Variants in CFI observed in about 807,000 individuals in gnomAD.
CFI encodes C3B/C4B inactivator.
A neutral mutation model predicts 78.8 loss-of-function variants in CFI; 66 were observed. The ratio of observed to expected loss-of-function variants is 0.84; its 90% CI spans 0.69 to 1.03. The LOEUF (loss-of-function observed/expected upper bound fraction) is 1.03, where lower values mean the gene tolerates loss of function less well. Among genes scored for constraint, CFI ranks in the 50% least tolerant of loss-of-function variants. CFI has a pLI of 0.00. For missense variants in CFI, 706 were observed against 704.5 expected (o/e 1.00, Z -0.02); for synonymous variants, 250 against 232.6 (o/e 1.07, Z -0.68).
intron 1 of CFI, among the ~76,000 whole-genome samples, chr4:109,777,071 G>A (rs956842790): frequency 6.6e-6 from 1 of 152,102 alleles, no homozygotes; most frequent in Non-Finnish European, 1.5e-5. Context: ...CAACTAACGA[G>A]CAAAATAACC....
chr4:109,799,897 G>T (rs1732545338), intron 1 of CFI, among the ~76,000 whole-genome samples: 1 of 152,182 alleles, frequency 6.6e-6, no homozygotes, highest in Admixed American at 6.5e-5. Context: ...ACAAAGGACA[G>T]ACACGCAAAA....
intron 10 of CFI, among the ~76,000 whole-genome samples, chr4:109,748,160 T>C (rs950431773): frequency 2.6e-5 from 4 of 152,250 alleles, no homozygotes; most frequent in African/African-American, 4.8e-5. Context: ...AATAATGAGA[T>C]GTTCAGGAAG....
intron 1 of CFI, among the ~76,000 whole-genome samples, chr4:109,800,039 T>C (rs995053759): frequency 6.6e-6 from 1 of 150,844 alleles, no homozygotes; most frequent in Non-Finnish European, 1.5e-5. Context: ...TTGGTTTCTG[T>C]AGAAATGGAT....
chr4:109,737,478 C>T (rs568306348), downstream of CFI, among the ~76,000 whole-genome samples: 2 of 152,280 alleles, frequency 1.3e-5, no homozygotes, highest in Admixed American at 6.5e-5. Flanking sequence ...AAGGTGCAGC[C>T]GCATAATTTA....
intron 1 of CFI, among the ~76,000 whole-genome samples, chr4:109,772,012 TG>T (rs368077417): frequency 6.6e-6 from 1 of 152,324 alleles, no homozygotes; most frequent in Non-Finnish European, 1.5e-5. Context: ...TTAAGCAGTT[TG>T]CTATACTTAT....
In CFI at chr4:109,790,791, G is replaced by A. The variant is rs115983510; in HGVS notation, c.57+11124C>T. Among the ~76,000 whole-genome samples, 806 of 151,534 alleles carry A rather than the reference G, an allele frequency of 5.3e-3. 6 individuals carry two copies. The highest frequency in any genetic ancestry group is 0.019 in the African/African-American group (768 of 41,452). On this transcript the variant is annotated intron_variant, in intron 1 of 12. Transcript: ENST00000394634. Reference sequence around the variant, plus strand: ...ATCTTGTTGATCTTGTTCTCTTTTAGGACTGAGTAGTACTCCATGGTGTAT... The same window carrying A: ...ATCTTGTTGATCTTGTTCTCTTTTAAGACTGAGTAGTACTCCATGGTGTAT...
intron 1 of CFI, among the ~76,000 whole-genome samples, chr4:109,780,872 T>A (rs1207308448): frequency 1.3e-5 from 2 of 152,056 alleles, no homozygotes; most frequent in Non-Finnish European, 2.9e-5. Flanking sequence ...CTAGAAACCA[T>A]CATTCTGAGC....
In CFI at chr4:109,740,839, A is replaced by G. The variant is rs780137174; in HGVS notation, c.*54T>C. Reference sequence around the variant, plus strand: ...TTATTAATTATACCGTTTTATTTCCATTAAATGGAACTCTTGAGAGAAAAA... The same window carrying G: ...TTATTAATTATACCGTTTTATTTCCGTTAAATGGAACTCTTGAGAGAAAAA... On this transcript the variant is annotated 3_prime_UTR_variant, in exon 13 of 13. Coordinates refer to ENST00000394634, the MANE Select transcript of CFI (RefSeq NM_000204.5). 2.0e-6 allele frequency: 3 copies of G among 1,490,982 alleles called. No individual in the cohort carries two copies. The highest frequency in any genetic ancestry group is 1.9e-6 in the Non-Finnish European group (2 of 1,069,352). 92.4% of individuals were successfully genotyped at this position (1,490,982 alleles called of 1,614,324 possible).
chr4:109,761,693 C>T lies in CFI; in HGVS notation c.483-1G>A, dbSNP rs1305524781. 6.2e-7 allele frequency: 1 copy of T among 1,608,238 alleles called. No individual in the cohort carries two copies. On this transcript the variant is annotated splice_acceptor_variant, in intron 3 of 12. Transcript: ENST00000394634. LOFTEE classifies it high-confidence loss of function. The stretch of plus-strand genomic sequence containing the variant: ...AAACCTTCTTTGAGTATCAGCACCT[C>T]TGCAAATAGAATAAAGGAAACATTA...
At chr4:109,761,928 G>A (rs771557334) in intron 3 of CFI, 7 of 475,648 alleles carry the variant, frequency 1.5e-5, no homozygotes, top group South Asian at 4.2e-5. Flanking sequence ...GGTGGCTCAC[G>A]CCTGTAATCC....
At chr4:109,775,983 C>T (rs548340748) in intron 1 of CFI, among the ~76,000 whole-genome samples, 20 of 152,252 alleles carry the variant, frequency 1.3e-4, no homozygotes, top group African/African-American at 4.3e-4. Flanking sequence ...CCCATCTGTA[C>T]GTCACCATCA....
intron 3 of CFI, 81 bp from the exon 4 acceptor site, chr4:109,761,773 T>C (rs1561303165): frequency 2.6e-6 from 3 of 1,140,474 alleles, no homozygotes; most frequent in Non-Finnish European, 3.9e-6. Flanking sequence ...GGTAAGAAAC[T>C]AGAGTAATGT....
intron 1 of CFI, among the ~76,000 whole-genome samples, chr4:109,790,132 A>G (rs1351659410): frequency 1.3e-5 from 2 of 151,812 alleles, no homozygotes; most frequent in East Asian, 3.9e-4. Context: ...TATCATTCTT[A>G]TTTCTGTAAG....
chr4:109,753,006 T>A (rs372007629), intron 7 of CFI, among the ~76,000 whole-genome samples: 9 of 3,864 alleles, frequency 2.3e-3, no homozygotes, highest in Non-Finnish European at 0.012. Context: ...ATATATTTAT[T>A]ATATATTTAT....
chr4:109,774,194 G>A (rs575473896), intron 1 of CFI, among the ~76,000 whole-genome samples: 1 of 152,284 alleles, frequency 6.6e-6, no homozygotes, highest in Non-Finnish European at 1.5e-5. Flanking sequence ...AGAGTGAGCA[G>A]GACAAAGTCA....
At chr4:109,792,907 T>G (rs10461144) in intron 1 of CFI, among the ~76,000 whole-genome samples, 27,730 of 152,108 alleles carry the variant, frequency 0.18, 4,847 homozygotes, top group African/African-American at 0.44. Flanking sequence ...TTTAAAAAAC[T>G]GATTCTGCCA....
intron 6 of CFI, chr4:109,759,995 G>A: frequency 1.8e-6 from 1 of 566,198 alleles, no homozygotes; most frequent in Non-Finnish European, 3.2e-6. Context: ...ATAACTTGCA[G>A]GTGGAAAATG....
chr4:109,766,486 G>C (rs1401263976), intron 2 of CFI, 68 bp downstream of exon 2: 2 of 1,551,810 alleles, frequency 1.3e-6, no homozygotes, highest in Non-Finnish European at 1.8e-6. Flanking sequence ...ATTATTTTCT[G>C]ATAGAAAGTA....
chr4:109,797,210 T>C (rs961092913), intron 1 of CFI, among the ~76,000 whole-genome samples: 3 of 152,210 alleles, frequency 2.0e-5, no homozygotes, highest in Admixed American at 6.5e-5. Context: ...AACAATATGG[T>C]ACTCTCATAA....
Sources: gnomAD v4.1 joint callset for allele counts (sites outside exome capture counted in the v4.1 genomes callset) on GRCh38, gnomAD v4.1.1 for gene constraint, MANE v1.5 for transcripts, NCBI Gene and HGNC (gene_info 2026-07-23, HGNC 2026-07-21) for gene names.